Variants in ROBO2 observed in about 807,000 individuals in gnomAD.
ROBO2 encodes the protein roundabout guidance receptor 2, also known as roundabout homolog 2.
ROBO2 carries 53 observed loss-of-function variants against 160.8 expected under a neutral mutation model. The ratio of observed to expected loss-of-function variants is 0.33; its 90% CI spans 0.26 to 0.41. The LOEUF is 0.41. ROBO2 is among the 10% of genes least tolerant of loss of function. ROBO2 has a pLI of 1.00. For synonymous variants in ROBO2, 664 were observed against 611.7 expected (o/e 1.09, Z -1.26); for missense variants, 1,577 against 1,722.4 (o/e 0.92, Z 1.49).
At chr3:76,120,669 C>T (rs1039206027) in intron 2 of ROBO2, among the ~76,000 whole-genome samples, 1 of 152,054 alleles carries the variant, frequency 6.6e-6, no homozygotes, top group African/African-American at 2.4e-5. Flanking sequence ...GAAAGTACTC[C>T]TTATATATTT....
upstream of ROBO2, among the ~76,000 whole-genome samples, chr3:77,039,645 C>T (rs966746610): frequency 9.2e-5 from 14 of 152,116 alleles, no homozygotes; most frequent in Non-Finnish European, 1.9e-4. Flanking sequence ...CTCCGTCCCC[C>T]CGGGGACTCT....
At chr3:76,871,293 G>A (rs1476559909) in intron 2 of ROBO2, among the ~76,000 whole-genome samples, 1 of 152,040 alleles carries the variant, frequency 6.6e-6, no homozygotes, top group African/African-American at 2.4e-5. Context: ...GGTGGCTCAC[G>A]CCTGTAATCC....
chr3:76,617,306 A>G (rs1183951462), intron 2 of ROBO2, among the ~76,000 whole-genome samples: 1 of 151,960 alleles, frequency 6.6e-6, no homozygotes, highest in Non-Finnish European at 1.5e-5. Context: ...TATAAGGATT[A>G]TGACTTGTGA....
chr3:77,464,012 T>C (rs1467424677), intron 2 of ROBO2, among the ~76,000 whole-genome samples: 1 of 152,214 alleles, frequency 6.6e-6, no homozygotes, highest in African/African-American at 2.4e-5. Context: ...TAATTCCTAA[T>C]AACAGTGATT....
At chr3:76,931,129 T>G (rs1022698718) in intron 2 of ROBO2, among the ~76,000 whole-genome samples, 5 of 152,186 alleles carry the variant, frequency 3.3e-5, no homozygotes, top group African/African-American at 9.6e-5. Context: ...AGCTTTCTGT[T>G]ACTATGTTAA....
At chr3:76,003,432 A>G (rs941128052) in intron 2 of ROBO2, among the ~76,000 whole-genome samples, 4 of 152,232 alleles carry the variant, frequency 2.6e-5, no homozygotes, top group African/African-American at 9.6e-5. Context: ...AGATTTTGCT[A>G]TAAAGTCAGG....
chr3:76,304,697 G>A (rs1464721781), intron 2 of ROBO2, among the ~76,000 whole-genome samples: 1 of 151,014 alleles, frequency 6.6e-6, no homozygotes, highest in African/African-American at 2.4e-5. Context: ...TTATTTTGTT[G>A]TTGTTTTATT....
chr3:76,750,951 A>C (rs982362149), intron 2 of ROBO2, among the ~76,000 whole-genome samples: 5 of 152,150 alleles, frequency 3.3e-5, no homozygotes, highest in Non-Finnish European at 7.3e-5. Context: ...ACTACTTTAA[A>C]GTTCATATGG....
chr3:76,995,044 C>T (rs2149389249), intron 2 of ROBO2, among the ~76,000 whole-genome samples: 1 of 152,124 alleles, frequency 6.6e-6, no homozygotes, highest in African/African-American at 2.4e-5. Context: ...TGGTTTGCTG[C>T]ACCCATCAAC....
At chr3:76,319,412 T>A (rs1426939656) in intron 2 of ROBO2, among the ~76,000 whole-genome samples, 1 of 152,008 alleles carries the variant, frequency 6.6e-6, no homozygotes, top group Non-Finnish European at 1.5e-5. Context: ...CTACCCTCCA[T>A]AAACTTATAA....
intron 2 of ROBO2, among the ~76,000 whole-genome samples, chr3:76,139,561 G>T (rs1489677164): frequency 6.6e-6 from 1 of 152,012 alleles, no homozygotes; most frequent in East Asian, 1.9e-4. Context: ...GTGGAGTGGA[G>T]AGAGTTCTTA....
intron 17 of ROBO2, 117 bp downstream of exon 18, chr3:77,589,050 C>T: frequency 1.8e-6 from 2 of 1,128,838 alleles, no homozygotes; most frequent in Non-Finnish European, 1.3e-6. Context: ...GAAACCTGCA[C>T]TGTAAAATGC....
intron 4 of ROBO2, among the ~76,000 whole-genome samples, chr3:77,485,795 A>G (rs2085281222): frequency 6.6e-6 from 1 of 151,966 alleles, no homozygotes; most frequent in Non-Finnish European, 1.5e-5. Flanking sequence ...AGCTTTTATT[A>G]AGCCCCAGGT....
At chr3:76,737,887 C>T (rs267142) in intron 2 of ROBO2, among the ~76,000 whole-genome samples, 25,934 of 152,122 alleles carry the variant, frequency 0.17, 2,517 homozygotes, top group Non-Finnish European at 0.22. Flanking sequence ...TGGCTCACAC[C>T]TGTAATTCCA....
At chr3:77,617,539 C>G in exon 22 of ROBO2, 2 of 1,614,092 alleles carry the variant, frequency 1.2e-6, no homozygotes, top group Non-Finnish European at 1.7e-6. Flanking sequence ...TGGTGCCCAC[C>G]ATTGCCAGTA....
chr3:76,702,820 C>G (rs150065995), intron 2 of ROBO2, among the ~76,000 whole-genome samples: 1 of 152,046 alleles, frequency 6.6e-6, no homozygotes, highest in African/African-American at 2.4e-5. Flanking sequence ...ATGCTAGATT[C>G]GAGAAGGTAA....
At chr3:75,998,336 T>G (rs890669617) in intron 2 of ROBO2, among the ~76,000 whole-genome samples, 4 of 152,206 alleles carry the variant, frequency 2.6e-5, no homozygotes, top group Non-Finnish European at 5.9e-5. Context: ...CCATAACTCA[T>G]ATGACGTTTT....
At chr3:77,324,246 T>A (rs2065122601) in intron 2 of ROBO2, among the ~76,000 whole-genome samples, 1 of 152,282 alleles carries the variant, frequency 6.6e-6, no homozygotes, top group Admixed American at 6.5e-5. Flanking sequence ...GTTCCTAGCA[T>A]GGACTCAAAA....
chr3:76,999,609 A>G (rs2061229919), intron 2 of ROBO2, among the ~76,000 whole-genome samples: 1 of 152,174 alleles, frequency 6.6e-6, no homozygotes, highest in Non-Finnish European at 1.5e-5. Flanking sequence ...AGTCATAATT[A>G]CAGAAATTTC....
Sources: gnomAD v4.1 joint callset for allele counts (sites outside exome capture counted in the v4.1 genomes callset) on GRCh38, gnomAD v4.1.1 for gene constraint, MANE v1.5 for transcripts, NCBI Gene and HGNC (gene_info 2026-07-23, HGNC 2026-07-21) for gene names.